The following SMARCA1 variants were observed in gnomAD, a reference collection of about 807,000 sequenced individuals.
SMARCA1 encodes SWI/SNF-related matrix-associated actin-dependent regulator of chromatin subfamily A member 1.
SMARCA1 carries 17 observed loss-of-function variants against 93.6 expected under a neutral mutation model. That is an observed-to-expected ratio of 0.18 (90% CI 0.12 to 0.27). The LOEUF (loss-of-function observed/expected upper bound fraction) is 0.27, where lower values mean the gene tolerates loss of function less well. Ranked by LOEUF, SMARCA1 falls within the 10% of genes least tolerant of loss-of-function variation. The pLI is 1.00. For missense variants in SMARCA1, 630 were observed against 819.0 expected, an observed-to-expected ratio of 0.77 and a Z score of 2.82; for synonymous variants, 271 against 271.4, an observed-to-expected ratio of 1.00 and a Z score of 0.01.
intron 12 of SMARCA1, among the ~76,000 whole-genome samples, chrX:129,493,762 T>C (rs1272083254): frequency 8.9e-6 from 1 of 112,017 alleles, no homozygotes; most frequent in Non-Finnish European, 1.9e-5. Context: ...TAGCTTATAG[T>C]AGTTGCTTGA....
chrX:129,460,217 T>C (rs1932783186), intron 23 of SMARCA1, among the ~76,000 whole-genome samples: 1 of 111,779 alleles, frequency 8.9e-6, no homozygotes, highest in Non-Finnish European at 1.9e-5. Context: ...AACTCCTAAG[T>C]GCATAAATAC....
At chrX:129,463,648 G>C (rs1008512781) in intron 23 of SMARCA1, among the ~76,000 whole-genome samples, 16 of 111,523 alleles carry the variant, frequency 1.4e-4, no homozygotes, top group Non-Finnish European at 1.7e-4. Flanking sequence ...CCTATTAAAT[G>C]TCATGTTTGC....
chrX:129,468,591 T>A (rs1465881864), intron 21 of SMARCA1, among the ~76,000 whole-genome samples, 182 bp downstream of exon 21: 2 of 112,343 alleles, frequency 1.8e-5, no homozygotes, highest in Non-Finnish European at 3.8e-5. Flanking sequence ...AGTCAGTTTG[T>A]TAGGATAAAT....
intron 15 of SMARCA1, among the ~76,000 whole-genome samples, chrX:129,489,718 C>T (rs991554833): frequency 6.3e-5 from 7 of 111,412 alleles, no homozygotes; most frequent in Admixed American, 2.9e-4. Context: ...CCACCACACC[C>T]GGCTAATTTT....
chrX:129,490,231 TG>T, intron 14 of SMARCA1, 39 bp from the exon 15 acceptor site: 1 of 1,040,488 alleles, frequency 9.6e-7, no homozygotes, highest in Non-Finnish European at 1.3e-6. Context: ...TTGGATATTC[TG>T]GATAAAATTT....
intron 9 of SMARCA1, among the ~76,000 whole-genome samples, chrX:129,501,331 T>A (rs1395796835): frequency 1.8e-5 from 2 of 109,927 alleles, no homozygotes; most frequent in Non-Finnish European, 3.8e-5. Flanking sequence ...AGTCTCGCTC[T>A]GTCACCCAGG....
intron 19 of SMARCA1, among the ~76,000 whole-genome samples, chrX:129,471,719 C>G (rs925437146): frequency 8.9e-6 from 1 of 112,173 alleles, no homozygotes; most frequent in Non-Finnish European, 1.9e-5. Context: ...AACATTACAT[C>G]CAACAGTCTG....
At chrX:129,469,312 C>G (rs1933012747) in intron 20 of SMARCA1, among the ~76,000 whole-genome samples, 1 of 100,192 alleles carries the variant, frequency 1.0e-5, no homozygotes. Flanking sequence ...ATCAAAAGAA[C>G]ACTGAGGAAT....
chrX:129,449,729 T>C (rs1384826466), intron 23 of SMARCA1, among the ~76,000 whole-genome samples: 1 of 110,672 alleles, frequency 9.0e-6, no homozygotes, highest in Non-Finnish European at 1.9e-5. Flanking sequence ...CCTGCCAGAA[T>C]AGCTAAACAC....
chrX:129,467,125 C>G (rs1255468030), intron 21 of SMARCA1, among the ~76,000 whole-genome samples: 3 of 111,960 alleles, frequency 2.7e-5, no homozygotes, highest in African/African-American at 9.7e-5. Context: ...TTGCTATGTA[C>G]AGGATACTGT....
intron 1 of SMARCA1, among the ~76,000 whole-genome samples, chrX:129,522,879 A>T (rs1319074425): frequency 9.0e-6 from 1 of 110,703 alleles, no homozygotes; most frequent in Non-Finnish European, 1.9e-5. Flanking sequence ...CCACCCCGTT[A>T]CCCGAGTTCC....
Position 129,518,410 on chromosome X carries a change from T to C in SMARCA1, c.212A>G (p.Lys71Arg). Residue 71 changes from lysine (K) to arginine (R), a missense_variant, in exon 2 of 25, where the codon AAA becomes AGA. Lys to Arg is a conservative substitution (Grantham distance 26, BLOSUM62 2). Transcript: ENST00000371121. The part of the protein sequence containing the change: ...VSSFQLKLAA[K>R]APKSEKEMDP... Reference sequence around the variant, plus strand: ...CATTTCCTTTTCAGATTTAGGCGCTTTAGCAGCAAGTTTGAGTTGAAATGA... The same window carrying C: ...CATTTCCTTTTCAGATTTAGGCGCTCTAGCAGCAAGTTTGAGTTGAAATGA... 8.4e-7 allele frequency: 1 copy of C among 1,195,999 alleles called. No individual in the cohort carries two copies. Among genetic ancestry groups the C allele is most frequent in the Non-Finnish European group, 1.1e-6 (1 of 886,219 alleles).
intron 19 of SMARCA1, among the ~76,000 whole-genome samples, chrX:129,480,347 A>T (rs1463950605): frequency 1.8e-5 from 2 of 112,749 alleles, no homozygotes; most frequent in Non-Finnish European, 3.7e-5. Context: ...CCTATTAAGG[A>T]AATGATCAAA....
chrX:129,487,286 T>C, intron 16 of SMARCA1, 149 bp from the exon 17 acceptor site: 1 of 369,974 alleles, frequency 2.7e-6, no homozygotes, highest in Non-Finnish European at 4.5e-6. Context: ...ACATCAAACC[T>C]GAAGTGCAAA....
intron 9 of SMARCA1, among the ~76,000 whole-genome samples, chrX:129,500,897 G>A (rs1460596071): frequency 9.0e-6 from 1 of 111,202 alleles, no homozygotes; most frequent in Non-Finnish European, 1.9e-5. Context: ...TATAAATGAG[G>A]AGAAAATATT....
chrX:129,462,358 T>C (rs1281637048), intron 23 of SMARCA1, among the ~76,000 whole-genome samples: 1 of 111,899 alleles, frequency 8.9e-6, no homozygotes, highest in African/African-American at 3.2e-5. Flanking sequence ...GCAGTTTCTC[T>C]TCCTAGATTG....
chrX:129,474,987 T>C (rs1348252490), intron 19 of SMARCA1, among the ~76,000 whole-genome samples: 5 of 111,092 alleles, frequency 4.5e-5, no homozygotes, highest in East Asian at 2.8e-4. Context: ...CCTTCCACCA[T>C]GATTGTGAGG....
At chrX:129,496,999 G>GCACA (rs56171349) in intron 11 of SMARCA1, 128 bp from the exon 12 acceptor site, 168 of 419,069 alleles carry the variant, frequency 4.0e-4, no homozygotes, top group Middle Eastern at 1.2e-3. Flanking sequence ...ACACACACGT[G>GCACA]CACACACACA....
intron 23 of SMARCA1, among the ~76,000 whole-genome samples, chrX:129,461,128 G>T (rs1194428389): frequency 9.0e-6 from 1 of 111,445 alleles, no homozygotes; most frequent in Non-Finnish European, 1.9e-5. Flanking sequence ...TATGGTAATT[G>T]TAATGACTAA....
Sources: gnomAD v4.1 joint callset for allele counts (sites outside exome capture counted in the v4.1 genomes callset) on GRCh38, gnomAD v4.1.1 for gene constraint, MANE v1.5 for transcripts, NCBI Gene and HGNC (gene_info 2026-07-23, HGNC 2026-07-21) for gene names.